Variants in DYM observed in about 807,000 individuals in gnomAD.
The protein encoded by DYM is dymeclin.
DYM carries 78 observed loss-of-function variants against 93.1 expected under a neutral mutation model. That is an observed-to-expected ratio of 0.84 (90% CI 0.70 to 1.01). The LOEUF (loss-of-function observed/expected upper bound fraction) is 1.01, where lower values mean the gene tolerates loss of function less well. Ranked by LOEUF, DYM falls within the 50% of genes least tolerant of loss-of-function variation. The probability of loss-of-function intolerance (pLI) is 0.00; values close to 1 mark genes in which losing one functional copy is unlikely to be tolerated. For synonymous variants in DYM, 321 were observed against 319.7 expected, an observed-to-expected ratio of 1.00 and a Z score of -0.04; for missense variants, 789 against 845.0, an observed-to-expected ratio of 0.93 and a Z score of 0.82.
chr18:49,121,913 G>A (rs2082415168), intron 15 of DYM, among the ~76,000 whole-genome samples: 1 of 152,094 alleles, frequency 6.6e-6, no homozygotes, highest in Non-Finnish European at 1.5e-5. Flanking sequence ...AAATATTAAA[G>A]GTATTTCTTC....
At chr18:49,192,480 C>T (rs1304641221) in intron 14 of DYM, among the ~76,000 whole-genome samples, 1 of 152,124 alleles carries the variant, frequency 6.6e-6, no homozygotes, top group Non-Finnish European at 1.5e-5. Flanking sequence ...CGATTTCCCT[C>T]TTTTGCATAT....
chr18:49,173,883 G>A (rs2089061651), intron 14 of DYM, among the ~76,000 whole-genome samples: 1 of 152,046 alleles, frequency 6.6e-6, no homozygotes, highest in Non-Finnish European at 1.5e-5. Context: ...AGGACCTATA[G>A]TACAATACTG....
At chr18:49,108,348 G>A (rs1050562001) in intron 16 of DYM, among the ~76,000 whole-genome samples, 1 of 152,248 alleles carries the variant, frequency 6.6e-6, no homozygotes, top group Non-Finnish European at 1.5e-5. Flanking sequence ...GACCCCTTGT[G>A]CTTCCCGGGT....
At chr18:49,349,843 G>A (rs933571197) in intron 6 of DYM, among the ~76,000 whole-genome samples, 1 of 152,116 alleles carries the variant, frequency 6.6e-6, no homozygotes, top group African/African-American at 2.4e-5. Context: ...TGTAGTCCCA[G>A]CTACTAGGGA....
At chr18:49,158,428 T>C (rs987898874) in intron 15 of DYM, among the ~76,000 whole-genome samples, 2 of 152,176 alleles carry the variant, frequency 1.3e-5, no homozygotes, top group African/African-American at 4.8e-5. Flanking sequence ...CCAAAAGCAA[T>C]TGTCAAAAGT....
intron 10 of DYM, among the ~76,000 whole-genome samples, chr18:49,276,503 C>A (rs140231279): frequency 6.6e-6 from 1 of 151,796 alleles, no homozygotes; most frequent in African/African-American, 2.4e-5. Flanking sequence ...TGAAAAACTA[C>A]TAGGAGTTAT....
chr18:49,389,883 T>C (rs2147865964), intron 3 of DYM, among the ~76,000 whole-genome samples: 1 of 152,324 alleles, frequency 6.6e-6, no homozygotes, highest in African/African-American at 2.4e-5. Flanking sequence ...CTTTGTTATA[T>C]TTTTGTTTTT....
At chr18:49,097,377 G>A in intron 17 of DYM, 25 bp downstream of exon 17, 1 of 1,604,592 alleles carries the variant, frequency 6.2e-7, no homozygotes, top group South Asian at 1.1e-5. Context: ...GCAGTGTCAA[G>A]TGGACATTTC....
At chr18:49,307,665 T>C (rs2061348250) in intron 8 of DYM, among the ~76,000 whole-genome samples, 1 of 152,162 alleles carries the variant, frequency 6.6e-6, no homozygotes, top group Non-Finnish European at 1.5e-5. Context: ...AAAGATAGTT[T>C]ACCTTCCATA....
intron 1 of DYM, among the ~76,000 whole-genome samples, chr18:49,444,404 T>C (rs1457773712): frequency 2.0e-5 from 3 of 152,176 alleles, no homozygotes; most frequent in South Asian, 4.1e-4. Context: ...AGACTTGATA[T>C]ATCTGTTAAT....
intron 2 of DYM, among the ~76,000 whole-genome samples, chr18:49,405,426 G>A (rs538603248): frequency 4.6e-5 from 7 of 152,210 alleles, no homozygotes; most frequent in Admixed American, 4.6e-4. Context: ...TTTTTATATG[G>A]TGAAAGGTAG....
rs74345570 is a variant in DYM at position 49,444,414 on chromosome 18, T to C, written c.-53-13967A>G. On this transcript the variant is annotated intron_variant, in intron 1 of 17. Transcript: ENST00000675505. ...GCTGCAGACTTGATATATCTGTTAA[T>C]GAATTCAGCCTAAAGTTAGAAGGAC... Among the ~76,000 whole-genome samples the C allele has an allele frequency of 3.2e-3, 484 of 152,300 alleles. 4 individuals are homozygous for C. The highest frequency in any genetic ancestry group is 0.011 in the African/African-American group (448 of 41,570).
chr18:49,195,808 G>A (rs2091383109), intron 14 of DYM, among the ~76,000 whole-genome samples: 1 of 152,022 alleles, frequency 6.6e-6, no homozygotes, highest in South Asian at 2.1e-4. Flanking sequence ...AAGACTTAGG[G>A]AGCCTTCGTT....
rs1011607205 is a variant in DYM, at chr18:49,198,431, A to G, written c.1625+11120T>C. Reference sequence around the variant, plus strand: ...CTGCACAGCAAAAGAAACTACCATCAGAGTGAACAGGCAACCTACAGAATG... The same window carrying G: ...CTGCACAGCAAAAGAAACTACCATCGGAGTGAACAGGCAACCTACAGAATG... On this transcript the variant is annotated intron_variant, in intron 14 of 17. Transcript: ENST00000675505. Among the ~76,000 whole-genome samples the G allele has an allele frequency of 3.3e-5, 5 of 152,336 alleles. No homozygotes were observed. In the South Asian group the frequency reaches 6.2e-4, roughly 19 times the overall value.
At chr18:49,440,310 T>C (rs2081227869) in intron 1 of DYM, among the ~76,000 whole-genome samples, 1 of 135,060 alleles carries the variant, frequency 7.4e-6, no homozygotes. Flanking sequence ...AGAATCGCTT[T>C]CCTCCTAAAT....
At chr18:49,186,005 A>C (rs1454249749) in intron 14 of DYM, among the ~76,000 whole-genome samples, 2 of 152,184 alleles carry the variant, frequency 1.3e-5, no homozygotes, top group Non-Finnish European at 2.9e-5. Flanking sequence ...TCAGGATTTT[A>C]ATTTTTCCTG....
chr18:49,124,954 T>C (rs777934815), intron 15 of DYM, among the ~76,000 whole-genome samples: 2 of 152,232 alleles, frequency 1.3e-5, no homozygotes, highest in Non-Finnish European at 2.9e-5. Flanking sequence ...TACTTTAATA[T>C]GTAACACTCT....
At chr18:49,060,959 C>G (rs1225134066) in intron 17 of DYM, among the ~76,000 whole-genome samples, 1 of 151,850 alleles carries the variant, frequency 6.6e-6, no homozygotes, top group African/African-American at 2.4e-5. Context: ...CTGAGCAGTT[C>G]CTGGGTAGTG....
intron 6 of DYM, among the ~76,000 whole-genome samples, chr18:49,350,738 A>C (rs149011298): frequency 0.011 from 1,671 of 151,710 alleles, 25 homozygotes; most frequent in Non-Finnish European, 0.017. Flanking sequence ...AAAAAAAAAA[A>C]AAAACAAGAA....
Sources: gnomAD v4.1 joint callset for allele counts (sites outside exome capture counted in the v4.1 genomes callset) on GRCh38, gnomAD v4.1.1 for gene constraint, MANE v1.5 for transcripts, NCBI Gene and HGNC (gene_info 2026-07-23, HGNC 2026-07-21) for gene names.